The following PRPSAP1 variants were observed in gnomAD, a reference collection of about 807,000 sequenced individuals.
The protein encoded by PRPSAP1 is phosphoribosyl pyrophosphate synthetase associated protein 1, also known as phosphoribosyl pyrophosphate synthase-associated protein 1.
In PRPSAP1, 31 loss-of-function variants were observed where a neutral mutation model predicts 39.4. The ratio of observed to expected loss-of-function variants is 0.79; its 90% confidence interval spans 0.59 to 1.06. The LOEUF is 1.06. Among genes scored for constraint, PRPSAP1 ranks in the 50% least tolerant of loss-of-function variants. The pLI is 0.00. For synonymous variants in PRPSAP1, 212 were observed against 192.6 expected (o/e 1.10, Z -0.83); for missense variants, 430 against 511.6 (o/e 0.84, Z 1.54).
chr17:76,324,121 C>T (rs1034550471), intron 7 of PRPSAP1, among the ~76,000 whole-genome samples: 17 of 142,770 alleles, frequency 1.2e-4, no homozygotes, highest in South Asian at 2.2e-4. Context: ...CCAGCCTGGG[C>T]AACAGAGTGA....
rs2071285806 is a variant in PRPSAP1 at position 76,328,928 on chromosome 17, T to A, written c.636-66A>T. 6 of 1,498,254 alleles carry A rather than the reference T, an allele frequency of 4.0e-6. No individual in the cohort carries two copies. In the African/African-American group the frequency reaches 7.1e-5, roughly 18 times the overall value. The allele number at this position is 1,498,254 out of a possible 1,614,324, so 92.8% of individuals were successfully genotyped here. ...ATCCCACGCATCACTACGGCATCAT[T>A]TTTTAACCATAAAATGAAAATATTT... On this transcript the variant is annotated intron_variant, in intron 6 of 9. Transcript: ENST00000446526.
At chr17:76,341,234 GTT>G (rs5822126) in intron 3 of PRPSAP1, among the ~76,000 whole-genome samples, 2,430 of 119,788 alleles carry the variant, frequency 0.02, 52 homozygotes, top group African/African-American at 0.07. Context: ...ACTTTTTTTT[GTT>G]TTTTTTTTTT....
chr17:76,313,999 A>G, intron 7 of PRPSAP1, 108 bp from the exon 8 acceptor site: 3 of 1,141,680 alleles, frequency 2.6e-6, no homozygotes, highest in South Asian at 2.7e-5. Flanking sequence ...TATACAGACA[A>G]AAAACAAACA....
chr17:76,332,977 G>A (rs2071339861), intron 3 of PRPSAP1, among the ~76,000 whole-genome samples: 3 of 150,436 alleles, frequency 2.0e-5, no homozygotes, highest in Admixed American at 6.7e-5. Context: ...TGCAGGCTCC[G>A]CCCCCCGAGG....
chr17:76,350,408 C>T (rs2071555844), intron 1 of PRPSAP1, among the ~76,000 whole-genome samples: 1 of 151,188 alleles, frequency 6.6e-6, no homozygotes, highest in Non-Finnish European at 1.5e-5. Flanking sequence ...CACTGCACTC[C>T]AGCCTGTGCG....
rs1424643893 is a variant in PRPSAP1, at chr17:76,309,708, T to A, written c.*1834A>T. Reference sequence around the variant, plus strand: ...CTACACAGGATATTGCAGTAGGTATTACAAGTCATCCAGGATGTGCATAGC... The same window carrying A: ...CTACACAGGATATTGCAGTAGGTATAACAAGTCATCCAGGATGTGCATAGC... On this transcript the variant is annotated 3_prime_UTR_variant, in exon 10 of 10. Coordinates refer to ENST00000446526, the MANE Select transcript of PRPSAP1 (RefSeq NM_002766.3). 1 of 152,220 alleles carries A rather than the reference T, an allele frequency of 6.6e-6. No individual in the cohort carries two copies. The highest frequency in any genetic ancestry group is 2.4e-5 in the African/African-American group (1 of 41,464). The allele number at this position is 152,220 out of a possible 1,614,324, so 9.4% of individuals were successfully genotyped here.
intron 4 of PRPSAP1, among the ~76,000 whole-genome samples, chr17:76,331,431 T>C (rs2071321428): frequency 6.6e-6 from 1 of 152,212 alleles, no homozygotes; most frequent in African/African-American, 2.4e-5. Context: ...CTACAATGGT[T>C]GTGTCTGTAC....
intron 7 of PRPSAP1, among the ~76,000 whole-genome samples, chr17:76,315,325 G>C (rs2143452372): frequency 6.6e-6 from 1 of 152,312 alleles, no homozygotes; most frequent in Non-Finnish European, 1.5e-5. Flanking sequence ...ATATTTATTA[G>C]GCTAGTAGTG....
At chr17:76,314,694 T>C (rs796742126) in intron 7 of PRPSAP1, 14 of 152,518 alleles carry the variant, frequency 9.2e-5, no homozygotes, top group Admixed American at 3.3e-4. Context: ...TATCAAGTCT[T>C]CTCTACTTGG....
At chr17:76,319,803 G>A (rs189283210) in intron 7 of PRPSAP1, among the ~76,000 whole-genome samples, 243 of 152,150 alleles carry the variant, frequency 1.6e-3, no homozygotes, top group Non-Finnish European at 2.4e-3. Flanking sequence ...AAGGTATAAG[G>A]GCTCCTTGGA....
intron 2 of PRPSAP1, among the ~76,000 whole-genome samples, chr17:76,346,305 C>T (rs2071500645): frequency 6.6e-6 from 1 of 152,144 alleles, no homozygotes; most frequent in Non-Finnish European, 1.5e-5. Context: ...GGGAAAGCAC[C>T]TTTCCCTTCT....
chr17:76,310,517 T>C lies in PRPSAP1; in HGVS notation c.*1025A>G, dbSNP rs541863730. Reference sequence around the variant, plus strand: ...GTGTTGCTCTGTCACCCAGGATGGATGGCAGTGGTACAATCATAGTTCACT... The same window carrying C: ...GTGTTGCTCTGTCACCCAGGATGGACGGCAGTGGTACAATCATAGTTCACT... On this transcript the variant is annotated 3_prime_UTR_variant, in exon 10 of 10. Transcript: ENST00000446526. 2 of 151,854 alleles carry C rather than the reference T, an allele frequency of 1.3e-5. No homozygotes were observed. The highest frequency in any genetic ancestry group is 1.3e-4 in the Admixed American group (2 of 15,206). 9.4% of individuals were successfully genotyped at this position (151,854 alleles called of 1,614,324 possible). A position where few individuals can be genotyped will look rare whatever the true frequency, so the allele number is the denominator to read the frequency against.
chr17:76,351,950 T>C (rs1057293464), intron 1 of PRPSAP1, among the ~76,000 whole-genome samples: 20 of 152,082 alleles, frequency 1.3e-4, no homozygotes, highest in African/African-American at 4.6e-4. Context: ...AGTGTTTTCG[T>C]TGGCCTCAGA....
chr17:76,345,828 C>T (rs974335688), intron 2 of PRPSAP1: 7 of 375,380 alleles, frequency 1.9e-5, no homozygotes, highest in Admixed American at 3.2e-5. Flanking sequence ...CGGCTGCTTT[C>T]GTTGCCACCA....
At chr17:76,348,105 T>C (rs991131989) in intron 2 of PRPSAP1, among the ~76,000 whole-genome samples, 9 of 152,096 alleles carry the variant, frequency 5.9e-5, no homozygotes, top group South Asian at 2.1e-4. Context: ...GAAGACTGCT[T>C]GAGCTCAGAA....
At chr17:76,312,833 C>T (rs756007915) in intron 9 of PRPSAP1, 37 bp downstream of exon 9, 3 of 1,585,734 alleles carry the variant, frequency 1.9e-6, no homozygotes, top group Non-Finnish European at 2.6e-6. Context: ...GAAAACACAG[C>T]AGTAAATCTT....
chr17:76,323,529 T>C (rs112879055), intron 7 of PRPSAP1, among the ~76,000 whole-genome samples: 285 of 152,148 alleles, frequency 1.9e-3, no homozygotes, highest in African/African-American at 6.4e-3. Context: ...AAGTTGATTC[T>C]AACCCTCATG....
At chr17:76,331,071 AAAGT>A (rs1435789398) in intron 4 of PRPSAP1, among the ~76,000 whole-genome samples, 2 of 152,240 alleles carry the variant, frequency 1.3e-5, no homozygotes, top group African/African-American at 2.4e-5. Flanking sequence ...ACACAAACGC[AAAGT>A]AATATACATA....
At chr17:76,330,394 C>T (rs1567803338) in intron 5 of PRPSAP1, 157 bp downstream of exon 5, 3 of 631,910 alleles carry the variant, frequency 4.7e-6, no homozygotes, top group South Asian at 4.3e-5. Context: ...AAGCTATGAT[C>T]GTCCACGACT....
Sources: allele counts gnomAD v4.1 joint callset (sites outside exome capture counted in the v4.1 genomes callset), GRCh38; gene constraint gnomAD v4.1.1; transcripts MANE v1.5; gene names NCBI Gene and HGNC (gene_info 2026-07-23, HGNC 2026-07-21).